Variants in ARHGEF12 observed in about 807,000 individuals in gnomAD.
ARHGEF12 encodes the protein Rho guanine nucleotide exchange factor 12, also known as KMT2A/ARHGEF12 fusion protein.
Under a neutral mutation model 211.2 loss-of-function variants are expected in ARHGEF12, and 66 were observed. The ratio of observed to expected loss-of-function variants is 0.31; its 90% CI spans 0.26 to 0.38. ARHGEF12 has a LOEUF of 0.38. Ranked by LOEUF, ARHGEF12 falls within the 10% of genes least tolerant of loss-of-function variation. The probability of loss-of-function intolerance (pLI) is 1.00; values close to 1 mark genes in which losing one functional copy is unlikely to be tolerated. For synonymous variants in ARHGEF12, 592 were observed against 638.4 expected (o/e 0.93, Z 1.09); for missense variants, 1,429 against 1,869.5 (o/e 0.76, Z 4.34).
At chr11:120,396,002 C>T (rs1944372630) in intron 1 of ARHGEF12, among the ~76,000 whole-genome samples, 1 of 152,092 alleles carries the variant, frequency 6.6e-6, no homozygotes, top group South Asian at 2.1e-4. Flanking sequence ...CTAAATATCA[C>T]TCTCCAATAA....
chr11:120,416,734 T>A (rs941459615), intron 4 of ARHGEF12, among the ~76,000 whole-genome samples: 1 of 152,182 alleles, frequency 6.6e-6, no homozygotes, highest in African/African-American at 2.4e-5. Context: ...CACTGCATCC[T>A]CTGCCTCCTG....
intron 6 of ARHGEF12, among the ~76,000 whole-genome samples, chr11:120,423,091 G>A (rs1591571944): frequency 2.0e-5 from 3 of 152,160 alleles, no homozygotes; most frequent in South Asian, 4.1e-4. Flanking sequence ...AAAGAAAAAT[G>A]GGCAAAGAAT....
rs770099914 is a variant in ARHGEF12, at chr11:120,460,709, A to AAATGAGACC, written c.2566_2574dup (p.Asn856_Thr858dup). 27 of 1,613,790 alleles carry AAATGAGACC rather than the reference A, an allele frequency of 1.7e-5. No individual in the cohort carries two copies. The highest frequency in any genetic ancestry group is 1.9e-5 in the Non-Finnish European group (23 of 1,179,954). ...AACAAATGAAGGCTGTTCGAAAGAG[A>AAATGAGACC]AATGAGACCTCTGTTATCGATCAGA... On this transcript the variant is annotated inframe_insertion, in exon 27 of 41. Transcript: ENST00000397843.
intron 1 of ARHGEF12, among the ~76,000 whole-genome samples, chr11:120,371,769 T>A (rs1158472956): frequency 6.6e-6 from 1 of 152,144 alleles, no homozygotes; most frequent in Non-Finnish European, 1.5e-5. Context: ...TAAATATGAT[T>A]TGGTTCTATT....
intron 1 of ARHGEF12, among the ~76,000 whole-genome samples, chr11:120,385,059 G>T (rs1260903950): frequency 6.6e-6 from 1 of 151,962 alleles, no homozygotes; most frequent in Admixed American, 6.5e-5. Context: ...TTTTTTTGTG[G>T]CTTTATAATT....
chr11:120,337,106 A>T lies in ARHGEF12; in HGVS notation c.-138A>T. ...GACCCCTTACAGTCGGATGGTCTAG[A>T]TGACTGAATGGAGTTTTGAGTTGGA... On this transcript the variant is annotated 5_prime_UTR_variant, in exon 1 of 41. It removes an upstream start codon present in the reference 5' UTR. Coordinates refer to ENST00000397843, the MANE Select transcript of ARHGEF12 (RefSeq NM_015313.3). 2.0e-6 allele frequency: 2 copies of T among 1,014,622 alleles called. No homozygotes were observed. Among genetic ancestry groups the T allele is most frequent in the East Asian group, 4.8e-5 (2 of 41,730 alleles). 62.9% of individuals were successfully genotyped at this position (1,014,622 alleles called of 1,614,324 possible).
intron 1 of ARHGEF12, among the ~76,000 whole-genome samples, chr11:120,367,919 T>C (rs1220066158): frequency 6.6e-6 from 1 of 152,082 alleles, no homozygotes; most frequent in Non-Finnish European, 1.5e-5. Context: ...AGGTTGAAGC[T>C]GCAGTGAGCT....
chr11:120,481,432 C>T lies in ARHGEF12; in HGVS notation c.4410C>T (p.Phe1470=), dbSNP rs377763145. Residue 1470 remains phenylalanine (F), a synonymous_variant, in exon 39 of 41, where the codon TTC becomes TTT. Coordinates refer to ENST00000397843, the MANE Select transcript of ARHGEF12 (RefSeq NM_015313.3). ...ACTCCGATGGGGCAATTTCACCATT[C>T]ACCCCCGAATTTCTGGTCCAGCAGC... ...NTHSDGAISP[F]TPEFLVQQRW... 6.2e-7 allele frequency: 1 copy of T among 1,614,082 alleles called. No individual in the cohort carries two copies. The highest frequency in any genetic ancestry group is 1.3e-5 in the African/African-American group (1 of 74,938).
intron 7 of ARHGEF12, among the ~76,000 whole-genome samples, chr11:120,426,980 G>A (rs1209622748): frequency 6.6e-6 from 1 of 152,050 alleles, no homozygotes; most frequent in Non-Finnish European, 1.5e-5. Context: ...AGGTTCAAGT[G>A]ATTCTCCTGC....
chr11:120,428,103 C>T lies in ARHGEF12; in HGVS notation c.441C>T (p.Arg147=), dbSNP rs1227502706. The T allele has an allele frequency of 1.9e-6, 3 of 1,607,352 alleles. No individual in the cohort carries two copies. The South Asian group carries it at 3.4e-5, about 18-fold the overall frequency. The change falls in exon 8 of 41, where the codon CGC becomes CGT. Residue 147 remains arginine (R), a synonymous_variant. Transcript: ENST00000397843. ...ATGTAGCTCTCACTGTTCAGGGACGCCCACCTGGGTCGCCCCAGATTCCAC... is the reference window on the plus strand; with the variant it reads ...ATGTAGCTCTCACTGTTCAGGGACGTCCACCTGGGTCGCCCCAGATTCCAC... ...GSYVALTVQG[R]PPGSPQIPLA...
At chr11:120,473,983 G>A (rs916615637) in intron 31 of ARHGEF12, among the ~76,000 whole-genome samples, 8 of 152,062 alleles carry the variant, frequency 5.3e-5, no homozygotes, top group African/African-American at 1.9e-4. Flanking sequence ...TTAATACTTC[G>A]TCAACAAGCA....
chr11:120,445,018 A>G, intron 15 of ARHGEF12, among the ~76,000 whole-genome samples: 1 of 152,230 alleles, frequency 6.6e-6, no homozygotes, highest in East Asian at 1.9e-4. Context: ...AAGAAAAATC[A>G]TGGCTATATG....
intron 1 of ARHGEF12, among the ~76,000 whole-genome samples, chr11:120,405,049 A>G (rs913055180): frequency 3.3e-5 from 5 of 152,290 alleles, no homozygotes; most frequent in East Asian, 1.9e-4. Context: ...GTCTTTTTCT[A>G]TGGATCAATT....
At chr11:120,422,774 A>T (rs1159633583) in intron 6 of ARHGEF12, among the ~76,000 whole-genome samples, 2 of 152,196 alleles carry the variant, frequency 1.3e-5, no homozygotes, top group Non-Finnish European at 2.9e-5. Flanking sequence ...AAAGATAAAA[A>T]CATGTTATAT....
Position 120,457,194 on chromosome 11 carries a change from T to C in ARHGEF12, c.2133T>C (p.Phe711=), listed in dbSNP as rs1946388814. ...DGTPRTLNTV[F]DFPPPPLDQV... ...CACCTCGTACTCTCAATACTGTCTT[T>C]GATTTCCCACCACCTCCATTAGACC... The change falls in exon 23 of 41, where the codon TTT becomes TTC. Residue 711 remains phenylalanine (F), a synonymous_variant. Coordinates refer to ENST00000397843, the MANE Select transcript of ARHGEF12 (RefSeq NM_015313.3). 1 of 1,614,034 alleles carries C rather than the reference T, an allele frequency of 6.2e-7. No homozygotes were observed. Among genetic ancestry groups the C allele is most frequent in the African/African-American group, 1.3e-5 (1 of 74,916 alleles).
In ARHGEF12 at chr11:120,478,239, C is replaced by T. The variant is rs748466006; in HGVS notation, c.3616C>T (p.Arg1206Cys). Residue 1206 changes from arginine to cysteine, a missense_variant, in exon 37 of 41, where the codon CGT becomes TGT. By Grantham distance (180) the Arg-to-Cys change is radical. This residue lies in a region of ARHGEF12 where 467 missense variants were observed against 468.4 expected (regional missense o/e 1.00). Coordinates refer to ENST00000397843, the MANE Select transcript of ARHGEF12 (RefSeq NM_015313.3). Reference sequence around the variant, plus strand: ...GAGTACCTCTGGGAAATCAGAGGTACGTGATCTGTTTGTGGCTGAGAGACA... The same window carrying T: ...GAGTACCTCTGGGAAATCAGAGGTATGTGATCTGTTTGTGGCTGAGAGACA... ...SLSTSGKSEV[R>C]DLFVAERQFA... 20 of 1,614,056 alleles carry T rather than the reference C, an allele frequency of 1.2e-5. No homozygotes were observed. Among genetic ancestry groups the T allele is most frequent in the Middle Eastern group, 1.6e-4 (1 of 6,062 alleles).
chr11:120,375,908 T>C (rs558234945), intron 1 of ARHGEF12, among the ~76,000 whole-genome samples: 1 of 152,308 alleles, frequency 6.6e-6, no homozygotes, highest in African/African-American at 2.4e-5. Flanking sequence ...AGGTTTCTTG[T>C]AGGATGCCCC....
At chr11:120,371,700 G>A (rs1943593035) in intron 1 of ARHGEF12, among the ~76,000 whole-genome samples, 1 of 152,122 alleles carries the variant, frequency 6.6e-6, no homozygotes, top group Non-Finnish European at 1.5e-5. Context: ...ATAATTATGA[G>A]GGCTAATACA....
intron 1 of ARHGEF12, chr11:120,337,476 A>G (rs4936515): frequency 0.031 from 30,832 of 985,258 alleles, 547 homozygotes; most frequent in Non-Finnish European, 0.033. Context: ...TTCCGGAGAG[A>G]AACTTCCCTT....
Sources: gnomAD v4.1 joint callset for allele counts (sites outside exome capture counted in the v4.1 genomes callset) on GRCh38, gnomAD v4.1.1 for gene constraint, gnomAD v4.1.1 regional missense constraint, MANE v1.5 for transcripts, NCBI Gene and HGNC (gene_info 2026-07-23, HGNC 2026-07-21) for gene names.